The following NUP43 variants were observed in gnomAD, a reference collection of about 807,000 sequenced individuals.
The protein encoded by NUP43 is nucleoporin 43, also known as nucleoporin Nup43.
Under a neutral mutation model 47.3 loss-of-function variants are expected in NUP43, and 32 were observed. The ratio of observed to expected loss-of-function variants is 0.68; its 90% CI spans 0.51 to 0.91. The LOEUF (loss-of-function observed/expected upper bound fraction) is 0.91, where lower values mean the gene tolerates loss of function less well. NUP43 is among the 40% of genes least tolerant of loss of function. The pLI is 0.00. For synonymous variants in NUP43, 147 were observed against 158.4 expected (o/e 0.93, Z 0.54); for missense variants, 444 against 453.9 (o/e 0.98, Z 0.20).
At chr6:149,735,155 T>TG (rs1249503154) in intron 6 of NUP43, among the ~76,000 whole-genome samples, 4 of 152,200 alleles carry the variant, frequency 2.6e-5, no homozygotes, top group Admixed American at 2.6e-4. Flanking sequence ...CTTGAATTCC[T>TG]GGACTCAAGC....
At chr6:149,746,999 G>T (rs955214498), upstream of NUP43, among the ~76,000 whole-genome samples, 7 of 152,152 alleles carry the variant, frequency 4.6e-5, no homozygotes, top group East Asian at 1.3e-3. Flanking sequence ...AATACACACT[G>T]TCAGAGCCTG....
At chr6:149,732,896 T>C (rs182533345) in intron 6 of NUP43, among the ~76,000 whole-genome samples, 1 of 151,934 alleles carries the variant, frequency 6.6e-6, no homozygotes, top group East Asian at 1.9e-4. Flanking sequence ...TATTACTTTA[T>C]GAAAAAGCTT....
chr6:149,732,164 A>C (rs571152674), intron 6 of NUP43, among the ~76,000 whole-genome samples: 7 of 150,276 alleles, frequency 4.7e-5, no homozygotes, highest in African/African-American at 1.7e-4. Context: ...CCTGGGCGAC[A>C]AAGTGAGACA....
chr6:149,729,508 C>T (rs941929244), intron 7 of NUP43: 31 of 984,372 alleles, frequency 3.1e-5, no homozygotes, highest in Admixed American at 1.2e-4. Flanking sequence ...GTTGAGGGAG[C>T]GCCTTTTCTC....
intron 6 of NUP43, among the ~76,000 whole-genome samples, 199 bp from the exon 7 acceptor site, chr6:149,731,934 A>T (rs1464858295): frequency 6.6e-6 from 1 of 152,214 alleles, no homozygotes; most frequent in Non-Finnish European, 1.5e-5. Context: ...CATAGAAAGG[A>T]AAAAGAACAC....
chr6:149,729,274 G>A (rs1241635564), intron 7 of NUP43, among the ~76,000 whole-genome samples: 1 of 152,190 alleles, frequency 6.6e-6, no homozygotes, highest in Admixed American at 6.5e-5. Flanking sequence ...TTACAGGTGT[G>A]AGCCACCGCG....
In NUP43 at chr6:149,736,460, A is replaced by G; in HGVS notation, c.790+11T>C. On this transcript the variant is annotated intron_variant, in intron 6 of 7. Transcript: ENST00000340413. ...CCCAATATAAACTTTCTGTATCTTC[A>G]CAATACTTACTTTCAGCTTCATGAG... 1 of 1,569,482 alleles carries G rather than the reference A, an allele frequency of 6.4e-7. No individual in the cohort carries two copies. Among genetic ancestry groups the G allele is most frequent in the Non-Finnish European group, 8.7e-7 (1 of 1,146,004 alleles).
At chr6:149,748,808 CAAAAA>C (rs1161065299), upstream of NUP43, among the ~76,000 whole-genome samples, 6 of 87,364 alleles carry the variant, frequency 6.9e-5, no homozygotes, top group South Asian at 3.7e-4. Context: ...GACTCCGTCT[CAAAAA>C]AAAAAAAAAA....
intron 3 of NUP43, 40 bp from the exon 4 acceptor site, chr6:149,742,610 TAAGG>T: frequency 6.7e-7 from 1 of 1,502,022 alleles, no homozygotes; most frequent in Non-Finnish European, 9.2e-7. Flanking sequence ...AGCAAAGTAC[TAAGG>T]AATTAGCACT....
intron 6 of NUP43, among the ~76,000 whole-genome samples, chr6:149,732,845 CA>C (rs1033212946): frequency 6.6e-6 from 1 of 151,352 alleles, no homozygotes; most frequent in Non-Finnish European, 1.5e-5. Context: ...AACTACGTCT[CA>C]AAAAAAAGAA....
intron 4 of NUP43, among the ~76,000 whole-genome samples, chr6:149,740,248 C>G (rs1432598495): frequency 7.5e-6 from 1 of 132,818 alleles, no homozygotes; most frequent in Non-Finnish European, 1.5e-5. Flanking sequence ...TGCACTCCAG[C>G]CTGGGTGACA....
rs747208884 is a variant in NUP43, at chr6:149,746,508, C to G, written c.-13G>C. The G allele has an allele frequency of 6.2e-7, 1 of 1,614,024 alleles. No individual in the cohort carries two copies. Among genetic ancestry groups the G allele is most frequent in the African/African-American group, 1.3e-5 (1 of 74,918 alleles). ...AAATTTCCTCCATGCCGAAAGCGGC[C>G]GCAGCAGGTACTGCAAAAAGCAAGC... On this transcript the variant is annotated 5_prime_UTR_variant, in exon 1 of 8. Transcript: ENST00000340413.
intron 6 of NUP43, among the ~76,000 whole-genome samples, chr6:149,735,998 C>A (rs1188423739): frequency 9.6e-5 from 12 of 124,538 alleles, no homozygotes; most frequent in South Asian, 2.6e-4. Flanking sequence ...AAAAAAAAAA[C>A]CAGGCACGGC....
intron 4 of NUP43, among the ~76,000 whole-genome samples, chr6:149,740,275 CAAAAAAAAAA>C (rs766447484): frequency 4.5e-5 from 1 of 22,442 alleles, no homozygotes; most frequent in African/African-American, 2.2e-4. Context: ...GACCCTGTCT[CAAAAAAAAAA>C]AAAAAAAAAA....
rs755594447 is a variant in NUP43, at chr6:149,736,486, C to T, written c.775G>A (p.Ala259Thr). Reference protein sequence around the residue: ...QGTMPVSLLKAHEAEMWEVHF... With the variant: ...QGTMPVSLLKTHEAEMWEVHF... ...CAATACTTACTTTCAGCTTCATGAGCCTTCAGCAGAGATACAGGCATAGTA... is the reference window on the plus strand; with the variant it reads ...CAATACTTACTTTCAGCTTCATGAGTCTTCAGCAGAGATACAGGCATAGTA... The change falls in exon 6 of 8, where the codon GCT becomes ACT. Residue 259 changes from alanine (A) to threonine (T), a missense_variant. Physicochemically the swap from Ala to Thr is moderately conservative, Grantham distance 58. Coordinates refer to ENST00000340413, the MANE Select transcript of NUP43 (RefSeq NM_198887.3). The T allele has an allele frequency of 6.3e-7, 1 of 1,582,926 alleles. No homozygotes were observed. Among genetic ancestry groups the T allele is most frequent in the Non-Finnish European group, 8.7e-7 (1 of 1,155,580 alleles).
intron 7 of NUP43, 75 bp downstream of exon 7, chr6:149,731,538 G>C (rs1182561789): frequency 2.2e-6 from 3 of 1,355,824 alleles, no homozygotes; most frequent in Non-Finnish European, 3.0e-6. Context: ...ATTCCAGCCT[G>C]GGTGATAGAG....
At chr6:149,729,566 G>A (rs1334807392) in intron 7 of NUP43, 2 of 976,226 alleles carry the variant, frequency 2.0e-6, no homozygotes, top group African/African-American at 3.5e-5. Flanking sequence ...CAAGTAGCAG[G>A]GGTACTAACA....
At chr6:149,747,369 C>T (rs1278377420), upstream of NUP43, among the ~76,000 whole-genome samples, 4 of 152,018 alleles carry the variant, frequency 2.6e-5, no homozygotes, top group South Asian at 4.1e-4. Context: ...CCTCTGCCTC[C>T]GCCTCCCAGG....
rs2115065013 is a variant in NUP43 at position 149,725,452 on chromosome 6, G to C, written c.*1517C>G. The C allele has an allele frequency of 6.6e-6, 1 of 152,342 alleles. No homozygotes were observed. The highest frequency in any genetic ancestry group is 1.5e-5 in the Non-Finnish European group (1 of 68,102). 9.4% of individuals were successfully genotyped at this position (152,342 alleles called of 1,614,324 possible). On this transcript the variant is annotated 3_prime_UTR_variant, in exon 8 of 8. Transcript: ENST00000340413. ...AAAAATACAAAAATTAGCTGGGTGTGGTGGTGAGCACCTGTAATCCCAGCT... is the reference window on the plus strand; with the variant it reads ...AAAAATACAAAAATTAGCTGGGTGTCGTGGTGAGCACCTGTAATCCCAGCT...
Sources: allele counts gnomAD v4.1 joint callset (sites outside exome capture counted in the v4.1 genomes callset), GRCh38; gene constraint gnomAD v4.1.1; transcripts MANE v1.5; gene names NCBI Gene and HGNC (gene_info 2026-07-23, HGNC 2026-07-21).